The following NUP214 variants were observed in gnomAD, a reference collection of about 807,000 sequenced individuals.
The protein encoded by NUP214 is nucleoporin 214.
A neutral mutation model predicts 196.2 loss-of-function variants in NUP214; 79 were observed. That is an observed-to-expected ratio of 0.40 (90% confidence interval 0.34 to 0.49). NUP214 has a LOEUF of 0.49. Among genes scored for constraint, NUP214 ranks in the 20% least tolerant of loss-of-function variants. The probability of loss-of-function intolerance (pLI) is 0.58; values close to 1 mark genes in which losing one functional copy is unlikely to be tolerated. For missense variants in NUP214, 2,468 were observed against 2,539.0 expected (o/e 0.97, Z 0.60); for synonymous variants, 1,020 against 990.5 (o/e 1.03, Z -0.56).
intron 30 of NUP214, among the ~76,000 whole-genome samples, chr9:131,213,751 C>CTGCTGTTGT (rs1554740988): frequency 1.4e-5 from 2 of 147,646 alleles, no homozygotes; most frequent in Admixed American, 1.4e-4. Flanking sequence ...TGAATTGGTA[C>CTGCTGTTGT]TGTTGTTGTT....
Position 131,221,616 on chromosome 9 carries a change from T to A in NUP214, c.5750-1162T>A, listed in dbSNP as rs1460318876. ...TGCTCCCCCTCCTCCAGTCCTCTCCTTTCACTTTGCTTGTGAACACCTGAC... is the reference window on the plus strand; with the variant it reads ...TGCTCCCCCTCCTCCAGTCCTCTCCATTCACTTTGCTTGTGAACACCTGAC... On this transcript the variant is annotated intron_variant, in intron 31 of 35. Transcript: ENST00000359428. Among the ~76,000 whole-genome samples the A allele has an allele frequency of 2.0e-5, 3 of 152,300 alleles. No individual in the cohort carries two copies. In the East Asian group the frequency reaches 5.8e-4, roughly 29 times the overall value.
intron 17 of NUP214, among the ~76,000 whole-genome samples, chr9:131,153,574 G>A (rs1275629356): frequency 6.6e-6 from 1 of 152,104 alleles, no homozygotes; most frequent in Non-Finnish European, 1.5e-5. Flanking sequence ...TTTCTCTATT[G>A]ACAAACTAAG....
rs944505739 is a variant in NUP214 at position 131,178,484 on chromosome 9, C to T, written c.3419+74C>T. On this transcript the variant is annotated intron_variant, in intron 24 of 35. Transcript: ENST00000359428. ...GCGGTGGACTGCCTGCAGGGAGCAGCAGTGCCACTGTCACAGTCTGGTTTT... is the reference window on the plus strand; with the variant it reads ...GCGGTGGACTGCCTGCAGGGAGCAGTAGTGCCACTGTCACAGTCTGGTTTT... 1.8e-5 allele frequency: 19 copies of T among 1,056,604 alleles called. No homozygotes were observed. In the South Asian group the frequency reaches 2.4e-4, roughly 13 times the overall value. 65.5% of individuals were successfully genotyped at this position (1,056,604 alleles called of 1,614,324 possible).
chr9:131,140,653 C>T lies in NUP214; in HGVS notation c.1237C>T (p.Leu413Phe), dbSNP rs1202078340. 1.2e-6 allele frequency: 2 copies of T among 1,614,034 alleles called. No individual in the cohort carries two copies. The highest frequency in any genetic ancestry group is 1.1e-5 in the South Asian group (1 of 91,058). ...TAATCAAAATCCTGGGGTTAAGTCT[C>T]TCATCAAAACACCAGAGCGACTTTC... ...MINQNPGVKSLIKTPERLSLE... is the reference protein window; with the variant it reads ...MINQNPGVKSFIKTPERLSLE... Residue 413 changes from leucine (L) to phenylalanine (F), a missense_variant, in exon 11 of 36, where the codon CTC (leucine) becomes TTC (phenylalanine). Leu to Phe is a conservative substitution (Grantham distance 22). This residue lies in a region of NUP214 where 1,801 missense variants were observed against 1,779.4 expected (regional missense o/e 1.01). Transcript: ENST00000359428.
intron 17 of NUP214, among the ~76,000 whole-genome samples, chr9:131,152,606 C>T (rs565902621): frequency 2.0e-5 from 3 of 152,194 alleles, no homozygotes; most frequent in African/African-American, 7.2e-5. Context: ...GCCAGCTGCT[C>T]TGCAAGGTAA....
At chr9:131,154,834 TGTGTGTGTGCGCACGCGCACGCTCGC>T (rs928401841) in intron 17 of NUP214, among the ~76,000 whole-genome samples, 5 of 152,200 alleles carry the variant, frequency 3.3e-5, no homozygotes, top group African/African-American at 4.8e-5. Flanking sequence ...GTTGTGTGTG[TGTGTGTGTGCGCACGCGCACGCTCGC>T]GTGTGTGTCA....
intron 17 of NUP214, among the ~76,000 whole-genome samples, chr9:131,153,772 G>C (rs905535626): frequency 3.9e-5 from 6 of 152,192 alleles, no homozygotes; most frequent in African/African-American, 1.4e-4. Context: ...CCTTGAACCT[G>C]GGCAGTCTGA....
At chr9:131,152,804 C>T (rs1382486631) in intron 17 of NUP214, among the ~76,000 whole-genome samples, 1 of 151,352 alleles carries the variant, frequency 6.6e-6, no homozygotes, top group Admixed American at 6.6e-5. Context: ...TTTTTTGAGA[C>T]TGAGTCTCGC....
At chr9:131,197,055 G>A (rs1391578806) in intron 28 of NUP214, among the ~76,000 whole-genome samples, 161 bp from the exon 29 acceptor site, 1 of 152,182 alleles carries the variant, frequency 6.6e-6, no homozygotes, top group Admixed American at 6.5e-5. Flanking sequence ...GTGTGGAGAA[G>A]CACTCATTCC....
chr9:131,187,320 C>T lies in NUP214; in HGVS notation c.3451C>T (p.Pro1151Ser), dbSNP rs1218549048. 1 of 1,613,870 alleles carries T rather than the reference C, an allele frequency of 6.2e-7. No homozygotes were observed. The highest frequency in any genetic ancestry group is 8.5e-7 in the Non-Finnish European group (1 of 1,179,924). Reference sequence around the variant, plus strand: ...AGTGCCCTACTCCACAGCCAAAACACCTCACCCAGTGTTGACCCCAGTGGC... The same window carrying T: ...AGTGCCCTACTCCACAGCCAAAACATCTCACCCAGTGTTGACCCCAGTGGC... Reference protein sequence around the residue: ...SSVPYSTAKTPHPVLTPVAAN... With the variant: ...SSVPYSTAKTSHPVLTPVAAN... The change falls in exon 25 of 36, where the codon CCT (proline) becomes TCT (serine). Residue 1151 changes from proline to serine, a missense_variant. This residue lies in a region of NUP214 where 1,801 missense variants were observed against 1,779.4 expected (regional missense o/e 1.01). Transcript: ENST00000359428.
chr9:131,215,472 C>A (rs888409971), intron 31 of NUP214, 104 bp downstream of exon 31: 9 of 1,224,756 alleles, frequency 7.3e-6, no homozygotes, highest in Non-Finnish European at 9.8e-6. Flanking sequence ...AAAAAAAAAT[C>A]TAGAAGGCTC....
At chr9:131,211,461 C>T (rs915936221) in intron 30 of NUP214, among the ~76,000 whole-genome samples, 1 of 152,166 alleles carries the variant, frequency 6.6e-6, no homozygotes, top group Non-Finnish European at 1.5e-5. Context: ...TTGAACAAAG[C>T]TGGTCATTTG....
intron 17 of NUP214, 87 bp downstream of exon 17, chr9:131,151,981 G>A: frequency 2.9e-6 from 3 of 1,049,302 alleles, no homozygotes; most frequent in Non-Finnish European, 4.0e-6. Flanking sequence ...AGATTTGGAT[G>A]ATGGCTCTTT....
intron 33 of NUP214, 192 bp from the exon 34 acceptor site, chr9:131,230,438 C>T: frequency 1.7e-6 from 1 of 605,298 alleles, no homozygotes; most frequent in Middle Eastern, 4.5e-4. Context: ...CATTTTTCTT[C>T]CTAGAGCAGA....
At position 131,144,658 on chromosome 9, in the gene NUP214, A is replaced by C; in HGVS notation, c.1673A>C (p.Glu558Ala). The C allele has an allele frequency of 6.2e-7, 1 of 1,614,164 alleles. No individual in the cohort carries two copies. The highest frequency in any genetic ancestry group is 8.5e-7 in the Non-Finnish European group (1 of 1,180,024). ...TCATCTGGTTTTAAGCCTACCCTGG[A>C]AAGCACACCAGTGCCAAGTGTGTCT... Reference protein sequence around the residue: ...FGSSGFKPTLESTPVPSVSAP... With the variant: ...FGSSGFKPTLASTPVPSVSAP... The change falls in exon 12 of 36, where the codon GAA (glutamate) becomes GCA (alanine). Residue 558 changes from glutamate to alanine, a missense_variant. Glu to Ala is a moderately radical substitution (Grantham distance 107). Around this residue, in one of 5 missense-constraint regions of NUP214, gnomAD observed 1,801 missense variants for 1,779.4 expected, o/e 1.01. Coordinates refer to ENST00000359428, the MANE Select transcript of NUP214 (RefSeq NM_005085.4).
chr9:131,233,431 C>G (rs753956745), intron 35 of NUP214, 23 bp from the exon 36 acceptor site: 6 of 1,599,698 alleles, frequency 3.8e-6, no homozygotes, highest in Non-Finnish European at 5.1e-6. Flanking sequence ...CTGACTCCAC[C>G]ACTGTCCTGT....
At chr9:131,174,749 T>TGG (rs2131001003) in intron 22 of NUP214, among the ~76,000 whole-genome samples, 1 of 152,216 alleles carries the variant, frequency 6.6e-6, no homozygotes, top group East Asian at 1.9e-4. Flanking sequence ...CCACTGCACC[T>TGG]GGCTGCTCAA....
chr9:131,154,497 C>CA (rs1832374135), intron 17 of NUP214, among the ~76,000 whole-genome samples: 1 of 152,160 alleles, frequency 6.6e-6, no homozygotes, highest in Non-Finnish European at 1.5e-5. Flanking sequence ...CTCTGTCACC[C>CA]AGGCTGGAGT....
rs77831966 is a variant in NUP214, at chr9:131,154,842, T to C, written c.2436+2948T>C. Among the ~76,000 whole-genome samples, 634 of 149,582 alleles carry C rather than the reference T, an allele frequency of 4.2e-3. 3 individuals are homozygous for C. Among genetic ancestry groups the C allele is most frequent in the African/African-American group, 0.011 (440 of 41,086 alleles). On this transcript the variant is annotated intron_variant, in intron 17 of 35. Coordinates refer to ENST00000359428, the MANE Select transcript of NUP214 (RefSeq NM_005085.4). ...AGTAGTAGTTGTGTGTGTGTGTGTG[T>C]GCGCACGCGCACGCTCGCGTGTGTG...
Sources: gnomAD v4.1 joint callset for allele counts (sites outside exome capture counted in the v4.1 genomes callset) on GRCh38, gnomAD v4.1.1 for gene constraint, gnomAD v4.1.1 regional missense constraint, MANE v1.5 for transcripts, NCBI Gene and HGNC (gene_info 2026-07-23, HGNC 2026-07-21) for gene names.